Variants in PTPN1 observed in about 807,000 individuals in gnomAD.
PTPN1 encodes the protein protein tyrosine phosphatase non-receptor type 1.
A neutral mutation model predicts 59.9 loss-of-function variants in PTPN1; 12 were observed. The observed-to-expected ratio is 0.20, with a 90% CI of 0.13 to 0.32. PTPN1 has a LOEUF of 0.32. Ranked by LOEUF, PTPN1 falls within the 10% of genes least tolerant of loss-of-function variation. PTPN1 has a pLI of 1.00. For missense variants in PTPN1, 356 were observed against 549.2 expected (o/e 0.65, Z 3.52); for synonymous variants, 178 against 203.6 (o/e 0.87, Z 1.07).
intron 1 of PTPN1, among the ~76,000 whole-genome samples, chr20:50,511,768 A>G (rs1387777791): frequency 3.3e-5 from 5 of 152,256 alleles, no homozygotes; most frequent in Non-Finnish European, 7.3e-5. Flanking sequence ...ACACTTGCAC[A>G]GTATCTTAAA....
At chr20:50,512,498 T>C (rs940432910) in intron 1 of PTPN1, among the ~76,000 whole-genome samples, 3 of 152,152 alleles carry the variant, frequency 2.0e-5, no homozygotes, top group Non-Finnish European at 4.4e-5. Context: ...CTTCAATTCA[T>C]TTCCTTCATT....
intron 1 of PTPN1, among the ~76,000 whole-genome samples, chr20:50,552,728 A>AT (rs1351785633): frequency 1.3e-5 from 2 of 150,778 alleles, no homozygotes; most frequent in Non-Finnish European, 2.9e-5. Context: ...TAGTGCTAAT[A>AT]TACCTGTTCT....
rs878887318 is a variant in PTPN1, at chr20:50,510,419, C to T, written c.-109C>T. ...GCAGCGGCTAGGGCGGCGGTAGCTG[C>T]AGGGGTCGGGGATTGCAGCGGGCCT... On this transcript the variant is annotated 5_prime_UTR_variant, in exon 1 of 10. Transcript: ENST00000371621. The T allele has an allele frequency of 4.3e-5, 53 of 1,234,228 alleles. 1 individual carries two copies. The highest frequency in any genetic ancestry group is 1.2e-4 in the East Asian group (4 of 34,494). 76.5% of individuals were successfully genotyped at this position (1,234,228 alleles called of 1,614,324 possible). A position where few individuals can be genotyped will look rare whatever the true frequency, so the allele number is the denominator to read the frequency against.
Position 50,561,320 on chromosome 20 carries a change from C to T in PTPN1, c.64-43C>T, listed in dbSNP as rs117034528. The T allele has an allele frequency of 8.1e-3, 11,485 of 1,411,156 alleles. 59 individuals carry two copies. The highest frequency in any genetic ancestry group is 9.9e-3 in the Non-Finnish European group (9,981 of 1,012,896). The allele number at this position is 1,411,156 out of a possible 1,614,324, so 87.4% of individuals were successfully genotyped here. A position where few individuals can be genotyped will look rare whatever the true frequency, so the allele number is the denominator to read the frequency against. ...GTCTGTTTCTTTGCTGGGTCTTCCT[C>T]AGTGTCTGACGGTCAGTTAAATGTC... On this transcript the variant is annotated intron_variant, in intron 1 of 9. Transcript: ENST00000371621.
intron 1 of PTPN1, among the ~76,000 whole-genome samples, chr20:50,531,921 C>A (rs529310532): frequency 6.7e-4 from 102 of 152,316 alleles, no homozygotes; most frequent in Non-Finnish European, 5.3e-4. Context: ...TATAAGGCTG[C>A]AGGGCATGTG....
chr20:50,560,508 T>G (rs1334923501), intron 1 of PTPN1, among the ~76,000 whole-genome samples: 2 of 152,094 alleles, frequency 1.3e-5, no homozygotes, highest in South Asian at 4.2e-4. Flanking sequence ...CACTTGTAAT[T>G]TTGCTTTCTC....
Position 50,568,340 on chromosome 20 carries a change from T to C in PTPN1, c.256-40T>C. Reference sequence around the variant, plus strand: ...GGTGAGCACACGCTGTAGCATGTTATGTTTCAGATGTCACATGTTGTGTTA... The same window carrying C: ...GGTGAGCACACGCTGTAGCATGTTACGTTTCAGATGTCACATGTTGTGTTA... On this transcript the variant is annotated intron_variant, in intron 3 of 9. Coordinates refer to ENST00000371621, the MANE Select transcript of PTPN1 (RefSeq NM_002827.4). This position sits in a 1 kb window ranked among gnomAD's most constrained non-coding sequence, Gnocchi z 5.6. 1 of 1,554,920 alleles carries C rather than the reference T, an allele frequency of 6.4e-7. No individual in the cohort carries two copies. Among genetic ancestry groups the C allele is most frequent in the Non-Finnish European group, 8.9e-7 (1 of 1,126,762 alleles).
chr20:50,579,019 G>A (rs2082851458), intron 6 of PTPN1, 149 bp from the exon 7 acceptor site: 1 of 880,392 alleles, frequency 1.1e-6, no homozygotes, highest in East Asian at 2.4e-5. Flanking sequence ...CTGTCCCCCT[G>A]ACCCAGACAC....
Position 50,511,465 on chromosome 20 carries a change from T to C in PTPN1, c.63+875T>C, listed in dbSNP as rs376882985. ...CAGGAGGCCTGCGGTACCCACTCCA[T>C]TGGGGCCATGATATTATTCTTTCAG... On this transcript the variant is annotated intron_variant, in intron 1 of 9. Transcript: ENST00000371621. Among the ~76,000 whole-genome samples the C allele has an allele frequency of 1.5e-3, 225 of 152,256 alleles. 5 individuals are homozygous for C. In the South Asian group the frequency reaches 0.037, roughly 25 times the overall value.
intron 1 of PTPN1, among the ~76,000 whole-genome samples, chr20:50,554,181 G>A (rs918360396): frequency 6.6e-6 from 1 of 152,166 alleles, no homozygotes. Flanking sequence ...GATTGCTTGA[G>A]ATCTGCTTGG....
At chr20:50,576,516 C>T (rs980821643) in intron 5 of PTPN1, among the ~76,000 whole-genome samples, 4 of 152,108 alleles carry the variant, frequency 2.6e-5, no homozygotes, top group Non-Finnish European at 2.9e-5. Context: ...GTAACCCACA[C>T]CTTCAAGGAT....
At chr20:50,577,350 A>G (rs2082841652) in intron 5 of PTPN1, 1 of 152,270 alleles carries the variant, frequency 6.6e-6, no homozygotes, top group Non-Finnish European at 1.5e-5. Flanking sequence ...TCCTTCTGCC[A>G]TCAGCTGCTC....
intron 2 of PTPN1, among the ~76,000 whole-genome samples, chr20:50,561,948 TC>T (rs2082754675): frequency 6.6e-6 from 1 of 152,172 alleles, no homozygotes; most frequent in Admixed American, 6.5e-5. Context: ...TCTCCCTCTT[TC>T]CTGCTGTTAG....
At chr20:50,536,587 G>GT (rs981393217) in intron 1 of PTPN1, among the ~76,000 whole-genome samples, 2 of 152,224 alleles carry the variant, frequency 1.3e-5, no homozygotes, top group African/African-American at 4.8e-5. Flanking sequence ...CAGGGAAGGC[G>GT]TGTGGCCAGA....
chr20:50,527,045 T>A (rs1438352888), intron 1 of PTPN1, among the ~76,000 whole-genome samples: 1 of 152,208 alleles, frequency 6.6e-6, no homozygotes, highest in Non-Finnish European at 1.5e-5. Context: ...GAGCCTTTGC[T>A]CCTAGAGTCT....
chr20:50,579,781 C>T lies in PTPN1; in HGVS notation c.943C>T (p.Arg315Ter). The change falls in exon 8 of 10, where the codon CGA becomes TGA. Residue 315 changes from arginine to a stop codon, truncating the protein, a stop_gained. Transcript: ENST00000371621. LOFTEE classifies it high-confidence loss of function. Reference sequence around the variant, plus strand: ...CCCCCCACCTCCCCGGCCACCCAAACGAATCCTGGAGCCACACAATGGGAA... The same window carrying T: ...CCCCCCACCTCCCCGGCCACCCAAATGAATCCTGGAGCCACACAATGGGAA... The part of the protein sequence containing the change: ...HIPPPPRPPK[R>*]ILEPHNGKCR... 2 of 1,613,908 alleles carry T rather than the reference C, an allele frequency of 1.2e-6. No homozygotes were observed. Among genetic ancestry groups the T allele is most frequent in the Non-Finnish European group, 1.7e-6 (2 of 1,179,954 alleles).
rs745951097 is a variant in PTPN1 at position 50,578,557 on chromosome 20, C to T, written c.630C>T (p.Pro210=). ...GGTCACTCAGCCCGGAGCACGGGCC[C>T]GTTGTGGTGCACTGCAGTGCAGGCA... ...ESGSLSPEHG[P]VVVHCSAGIG... The change falls in exon 6 of 10, where the codon CCC becomes CCT. Residue 210 remains proline, a synonymous_variant. Coordinates refer to ENST00000371621, the MANE Select transcript of PTPN1 (RefSeq NM_002827.4). 8.7e-6 allele frequency: 14 copies of T among 1,614,116 alleles called. No homozygotes were observed. Among genetic ancestry groups the T allele is most frequent in the Admixed American group, 1.7e-5 (1 of 60,010 alleles).
At chr20:50,529,907 C>T (rs1452951082) in intron 1 of PTPN1, among the ~76,000 whole-genome samples, 1 of 152,080 alleles carries the variant, frequency 6.6e-6, no homozygotes, top group Non-Finnish European at 1.5e-5. Context: ...CAGAGTCTTG[C>T]TCTGTCGCCC....
chr20:50,576,328 T>C (rs2082836622), intron 5 of PTPN1, among the ~76,000 whole-genome samples: 1 of 152,216 alleles, frequency 6.6e-6, no homozygotes, highest in Non-Finnish European at 1.5e-5. Flanking sequence ...GCTGTGCGCT[T>C]TTTGCTTGGC....
Sources: gnomAD v4.1 joint callset for allele counts (sites outside exome capture counted in the v4.1 genomes callset) on GRCh38, gnomAD v4.1.1 for gene constraint, Gnocchi (gnomAD v3.1) non-coding constraint, MANE v1.5 for transcripts, NCBI Gene and HGNC (gene_info 2026-07-23, HGNC 2026-07-21) for gene names.